The following CHRNA4 variants were observed in gnomAD, a reference collection of about 807,000 sequenced individuals.
CHRNA4 encodes the protein neuronal acetylcholine receptor subunit alpha-4.
A neutral mutation model predicts 48.9 loss-of-function variants in CHRNA4; 28 were observed. The observed-to-expected ratio is 0.57, with a 90% confidence interval of 0.42 to 0.79. The LOEUF (loss-of-function observed/expected upper bound fraction) is 0.79, where lower values mean the gene tolerates loss of function less well. Ranked by LOEUF, CHRNA4 falls within the 30% of genes least tolerant of loss-of-function variation. The pLI is 0.00. For synonymous variants in CHRNA4, 425 were observed against 402.3 expected (o/e 1.06, Z -0.68); for missense variants, 859 against 898.4 (o/e 0.96, Z 0.56).
chr20:63,350,651 A>C lies in CHRNA4; in HGVS notation c.760T>G (p.Cys254Gly). 1 of 1,613,988 alleles carries C rather than the reference A, an allele frequency of 6.2e-7. No homozygotes were observed. Among genetic ancestry groups the C allele is most frequent in the Non-Finnish European group, 8.5e-7 (1 of 1,179,996 alleles). Residue 254 changes from cysteine (C) to glycine (G), a missense_variant, in exon 5 of 6, where the codon TGC becomes GGC. Coordinates refer to ENST00000370263, the MANE Select transcript of CHRNA4 (RefSeq NM_000744.7). Reference sequence around the variant, plus strand: ...ACGGTGAGGCAGGAGATGAGCAGGCAGGGGATGATGAGGTTGATGGTGTAG... The same window carrying C: ...ACGGTGAGGCAGGAGATGAGCAGGCCGGGGATGATGAGGTTGATGGTGTAG... ...LFYTINLIIP[C>G]LLISCLTVLV...
Position 63,346,117 on chromosome 20 carries a change from A to G in CHRNA4, c.*621T>C, listed in dbSNP as rs1250952226. On this transcript the variant is annotated 3_prime_UTR_variant, in exon 6 of 6. Transcript: ENST00000370263. ...CTCTGTTCTCCAAGGCTCCTTAGGC[A>G]CAAGACTTGAGTTCTCACTAACTTA... 2.2e-6 allele frequency: 1 copy of G among 453,990 alleles called. No homozygotes were observed. The highest frequency in any genetic ancestry group is 4.4e-6 in the Non-Finnish European group (1 of 226,792). 28.1% of individuals were successfully genotyped at this position (453,990 alleles called of 1,614,324 possible).
At chr20:63,349,446 C>T (rs1479615956) in intron 5 of CHRNA4, 6 of 663,996 alleles carry the variant, frequency 9.0e-6, no homozygotes, top group Admixed American at 8.4e-5. Flanking sequence ...GCCAGCCACT[C>T]GGGGCCCCCT....
chr20:63,358,905 C>T (rs958086884), intron 2 of CHRNA4, among the ~76,000 whole-genome samples: 4 of 151,564 alleles, frequency 2.6e-5, no homozygotes, highest in African/African-American at 9.7e-5. Flanking sequence ...CCGAGCCTCC[C>T]GCAGCTCAGT....
chr20:63,359,967 C>T, intron 1 of CHRNA4: 1 of 423,502 alleles, frequency 2.4e-6, no homozygotes, highest in Admixed American at 3.7e-5. Context: ...TGGCCTCCGG[C>T]TCTCTCCCAC....
intron 3 of CHRNA4, 32 bp downstream of exon 3, chr20:63,356,339 G>A (rs201485054): frequency 5.0e-5 from 78 of 1,557,924 alleles, no homozygotes; most frequent in Non-Finnish European, 6.4e-5. Flanking sequence ...GGGGAGGGCA[G>A]GGGTGGGGCA....
intron 4 of CHRNA4, 36 bp downstream of exon 4, chr20:63,355,939 G>A (rs200801426): frequency 6.2e-7 from 1 of 1,608,932 alleles, no homozygotes; most frequent in Non-Finnish European, 8.5e-7. Flanking sequence ...GCCCACCAAG[G>A]CCCTGTAGAG....
intron 5 of CHRNA4, among the ~76,000 whole-genome samples, chr20:63,347,333 C>T (rs888447488): frequency 3.3e-5 from 5 of 152,096 alleles, no homozygotes; most frequent in Non-Finnish European, 7.4e-5. Flanking sequence ...AGAGGGCGGA[C>T]GAAAGCAGCA....
At chr20:63,354,541 G>T in intron 4 of CHRNA4, 1 of 955,116 alleles carries the variant, frequency 1.0e-6, no homozygotes, top group Non-Finnish European at 1.2e-6. Flanking sequence ...ACCTGGTGGG[G>T]GCTGCAGTCT....
chr20:63,350,129 G>C lies in CHRNA4; in HGVS notation c.1282C>G (p.Gln428Glu). ...TCCAGGGGCTGCTGAGGAGGGAGCT[G>C]GTCGGAGGGTGACTTGCAGGAAGGC... ...PGPSCKSPSD[Q>E]LPPQQPLEAE... Residue 428 changes from glutamine to glutamate, a missense_variant, in exon 5 of 6, where the codon CAG becomes GAG. Gln to Glu is a conservative substitution (Grantham distance 29, BLOSUM62 2). This residue lies in a region of CHRNA4 where 478 missense variants were observed against 455.4 expected (regional missense o/e 1.05). Transcript: ENST00000370263. 1 of 1,561,728 alleles carries C rather than the reference G, an allele frequency of 6.4e-7. No individual in the cohort carries two copies. The highest frequency in any genetic ancestry group is 1.3e-5 in the African/African-American group (1 of 74,222).
intron 4 of CHRNA4, among the ~76,000 whole-genome samples, chr20:63,352,777 C>T (rs2068635213): frequency 6.6e-6 from 1 of 152,156 alleles, no homozygotes; most frequent in South Asian, 2.1e-4. Context: ...GCCCCCCTCC[C>T]CCAGGGTCCT....
chr20:63,349,823 T>C lies in CHRNA4; in HGVS notation c.1588A>G (p.Lys530Glu). 6.2e-7 allele frequency: 1 copy of C among 1,600,816 alleles called. No individual in the cohort carries two copies. Among genetic ancestry groups the C allele is most frequent in the East Asian group, 2.2e-5 (1 of 44,514 alleles). The part of the protein sequence containing the change: ...LPPPDQPSPC[K>E]CTCKKEPSSV... ...GAGGGCTCCTTCTTGCATGTGCATT[T>C]GCACGGAGAGGGCTGGTCTGGGGGT... The change falls in exon 5 of 6, where the codon AAA becomes GAA. Residue 530 changes from lysine to glutamate, a missense_variant. By Grantham distance (56) the Lys-to-Glu change is moderately conservative. Transcript: ENST00000370263.
Position 63,343,637 on chromosome 20 carries a change from C to T in CHRNA4, c.*3101G>A, listed in dbSNP as rs1308428775. The T allele has an allele frequency of 2.2e-6, 1 of 451,744 alleles. No homozygotes were observed. The allele number at this position is 451,744 out of a possible 1,614,324, so 28.0% of individuals were successfully genotyped here. A position where few individuals can be genotyped will look rare whatever the true frequency, so the allele number is the denominator to read the frequency against. The stretch of plus-strand genomic sequence containing the variant: ...GGCCACGTCGCCCCAGGCCGGGCCA[C>T]ACGGGAAGCACCCAGGCCGGTCCGG... On this transcript the variant is annotated 3_prime_UTR_variant, in exon 6 of 6. Transcript: ENST00000370263.
Position 63,345,831 on chromosome 20 carries a change from G to C in CHRNA4, c.*907C>G, listed in dbSNP as rs1249711492. 2.2e-6 allele frequency: 1 copy of C among 449,508 alleles called. No homozygotes were observed. The highest frequency in any genetic ancestry group is 4.5e-6 in the Non-Finnish European group (1 of 223,392). 27.8% of individuals were successfully genotyped at this position (449,508 alleles called of 1,614,324 possible). On this transcript the variant is annotated 3_prime_UTR_variant, in exon 6 of 6. Transcript: ENST00000370263. This position sits in a 1 kb window ranked among gnomAD's most constrained non-coding sequence, Gnocchi z 5.4. ...ACCCTCAGGGTCCTGGGGGAACCAG[G>C]GCCCAGGTCTGGACTCCATTCGGGA...
intron 2 of CHRNA4, 85 bp downstream of exon 2, chr20:63,359,463 C>T (rs2068768467): frequency 1.3e-6 from 2 of 1,553,938 alleles, no homozygotes; most frequent in Admixed American, 3.4e-5. Context: ...GTGTTGATGG[C>T]TGTGTCCCCT....
Position 63,350,294 on chromosome 20 carries a change from CGAT to C in CHRNA4, c.1114_1116del (p.Ile372del). Reference sequence around the variant, plus strand: ...GCACTGGCCATCTTATGCATGGACTCGATGAGCCGCCGGCAATTGTCCTTGACC... The same window carrying C: ...GCACTGGCCATCTTATGCATGGACTCGAGCCGCCGGCAATTGTCCTTGACC... On this transcript the variant is annotated inframe_deletion, in exon 5 of 6. Transcript: ENST00000370263. The C allele has an allele frequency of 3.7e-6, 6 of 1,612,698 alleles. No individual in the cohort carries two copies. Among genetic ancestry groups the C allele is most frequent in the Non-Finnish European group, 1.7e-6 (2 of 1,179,896 alleles).
At position 63,361,327 on chromosome 20, in the gene CHRNA4, G is replaced by A. The variant is rs1170763435; in HGVS notation, c.-162C>T. 8.5e-7 allele frequency: 1 copy of A among 1,178,828 alleles called. No homozygotes were observed. The highest frequency in any genetic ancestry group is 1.0e-6 in the Non-Finnish European group (1 of 957,990). 73.0% of individuals were successfully genotyped at this position (1,178,828 alleles called of 1,614,324 possible). A position where few individuals can be genotyped will look rare whatever the true frequency, so the allele number is the denominator to read the frequency against. On this transcript the variant is annotated 5_prime_UTR_variant, in exon 1 of 6. Transcript: ENST00000370263. Reference sequence around the variant, plus strand: ...TGGGGCGCGGTGCGGCGGCGGCGCGGCAGGGAGCGCCGGGCTGTGGGCTCC... The same window carrying A: ...TGGGGCGCGGTGCGGCGGCGGCGCGACAGGGAGCGCCGGGCTGTGGGCTCC...
rs78050042 is a variant in CHRNA4 at position 63,349,725 on chromosome 20, C to A, written c.1686G>T (p.Pro562=). Residue 562 remains proline, a synonymous_variant, in exon 5 of 6, where the codon CCG becomes CCT. Coordinates refer to ENST00000370263, the MANE Select transcript of CHRNA4 (RefSeq NM_000744.7). The part of the protein sequence containing the change: ...KAPPPHLPLS[P]ALTRAVEGVQ... The stretch of plus-strand genomic sequence containing the variant: ...CGCCCTCCACCGCCCGGGTCAGGGC[C>A]GGCGACAGGGGCAGGTGCGGGGGCG... The A allele has an allele frequency of 2.0e-5, 32 of 1,612,674 alleles. No individual in the cohort carries two copies. The highest frequency in any genetic ancestry group is 4.0e-5 in the African/African-American group (3 of 74,924).
At chr20:63,355,526 A>G (rs1472713966) in intron 4 of CHRNA4, 4 of 1,291,014 alleles carry the variant, frequency 3.1e-6, no homozygotes, top group South Asian at 1.2e-5. Flanking sequence ...AGTCCACACT[A>G]TTCTCCCAGA....
intron 4 of CHRNA4, among the ~76,000 whole-genome samples, chr20:63,353,023 G>A (rs146330645): frequency 5.9e-5 from 9 of 152,320 alleles, no homozygotes; most frequent in Middle Eastern, 3.4e-3. Context: ...CTGAGGAGCC[G>A]CCCAGTCCAG....
Sources: gnomAD v4.1 joint callset for allele counts (sites outside exome capture counted in the v4.1 genomes callset) on GRCh38, gnomAD v4.1.1 for gene constraint, gnomAD v4.1.1 regional missense constraint, Gnocchi (gnomAD v3.1) non-coding constraint, MANE v1.5 for transcripts, NCBI Gene and HGNC (gene_info 2026-07-23, HGNC 2026-07-21) for gene names.